The following LAMA4 variants were observed in gnomAD, a reference collection of about 807,000 sequenced individuals.
LAMA4 encodes the protein laminin subunit alpha 4.
LAMA4 carries 127 observed loss-of-function variants against 207.1 expected under a neutral mutation model. The ratio of observed to expected loss-of-function variants is 0.61; its 90% CI spans 0.53 to 0.71. The LOEUF (loss-of-function observed/expected upper bound fraction) is 0.71, where lower values mean the gene tolerates loss of function less well. Among genes scored for constraint, LAMA4 ranks in the 30% least tolerant of loss-of-function variants. LAMA4 has a pLI of 0.00. For missense variants in LAMA4, 2,093 were observed against 2,246.5 expected (o/e 0.93, Z 1.38); for synonymous variants, 761 against 816.0 (o/e 0.93, Z 1.15).
In LAMA4 at chr6:112,158,800, G is replaced by C; in HGVS notation, c.1749C>G (p.Ser583Arg). The change falls in exon 14 of 39, where the codon AGC becomes AGG. Residue 583 changes from serine (S) to arginine (R), a missense_variant. Coordinates refer to ENST00000230538, the MANE Select transcript of LAMA4 (RefSeq NM_001105206.3). ...QVKLSNLSNL[S>R]HDLVQEAIDH... is the part of the protein sequence containing the mutation. The stretch of plus-strand genomic sequence containing the variant: ...CAATAGCTTCTTGGACTAAATCATG[G>C]CTGAGGTTACTTAGGTTAGATAGTT... The C allele has an allele frequency of 6.2e-7, 1 of 1,613,066 alleles. No homozygotes were observed.
intron 3 of LAMA4, among the ~76,000 whole-genome samples, chr6:112,211,151 T>C (rs1206554185): frequency 1.3e-5 from 2 of 152,142 alleles, no homozygotes; most frequent in Non-Finnish European, 2.9e-5. Flanking sequence ...GGGTCTGCAT[T>C]TCTAACAAGC....
chr6:112,183,352 T>C (rs1490190513), intron 9 of LAMA4, among the ~76,000 whole-genome samples: 1 of 152,106 alleles, frequency 6.6e-6, no homozygotes, highest in Non-Finnish European at 1.5e-5. Context: ...TTTTGCACCA[T>C]CAGGACTGTG....
At chr6:112,164,266 G>T in intron 13 of LAMA4, 1 of 152,458 alleles carries the variant, frequency 6.6e-6, no homozygotes, top group Non-Finnish European at 1.5e-5. Flanking sequence ...CATGAGAGGG[G>T]TACGGTAAAA....
Position 112,140,784 on chromosome 6 carries a change from A to C in LAMA4, c.2952T>G (p.Val984=). 1.2e-6 allele frequency: 2 copies of C among 1,614,100 alleles called. No homozygotes were observed. The highest frequency in any genetic ancestry group is 1.7e-6 in the Non-Finnish European group (2 of 1,179,982). The change falls in exon 22 of 39, where the codon GTT becomes GTG. Residue 984 remains valine (V), a synonymous_variant. Transcript: ENST00000230538. ...CCTTGAAGTTGGAAGGCACTCCACC[A>C]ACATAAAACACTGTGTCCTCAGGGT... is the stretch of plus-strand genomic sequence containing the variant. ...DLDPEDTVFY[V]GGVPSNFKLP...
chr6:112,229,738 T>C (rs1323396124), intron 2 of LAMA4, among the ~76,000 whole-genome samples: 2 of 152,256 alleles, frequency 1.3e-5, no homozygotes, highest in African/African-American at 4.8e-5. Flanking sequence ...TAAAGAAAGA[T>C]GGATTTCACT....
intron 13 of LAMA4, chr6:112,159,489 C>G (rs540319353): frequency 6.5e-6 from 1 of 154,788 alleles, no homozygotes; most frequent in African/African-American, 2.4e-5. Context: ...GCTTAAAGAT[C>G]GTGCAACTGT....
chr6:112,172,946 TC>T, intron 11 of LAMA4, 142 bp from the exon 12 acceptor site: 1 of 681,678 alleles, frequency 1.5e-6, no homozygotes, highest in Non-Finnish European at 2.6e-6. Flanking sequence ...CAAAATTAGC[TC>T]CACCTTTTAG....
intron 10 of LAMA4, among the ~76,000 whole-genome samples, chr6:112,176,914 G>A (rs1483952984): frequency 6.6e-6 from 1 of 152,134 alleles, no homozygotes; most frequent in Non-Finnish European, 1.5e-5. Flanking sequence ...AAATAAGAGG[G>A]TTCAGATCCT....
At chr6:112,166,405 A>G (rs1476900616) in intron 12 of LAMA4, 1 of 152,240 alleles carries the variant, frequency 6.6e-6, no homozygotes, top group South Asian at 2.1e-4. Context: ...TATCTTTACA[A>G]AGACTGGGAG....
intron 2 of LAMA4, chr6:112,253,613 T>C (rs782268614): frequency 3.0e-4 from 254 of 847,856 alleles, no homozygotes; most frequent in Non-Finnish European, 4.4e-4. Context: ...TTAAGTGCCG[T>C]GGCTTGACAA....
intron 12 of LAMA4, among the ~76,000 whole-genome samples, chr6:112,169,084 T>C (rs1028896428): frequency 2.6e-5 from 4 of 152,166 alleles, no homozygotes; most frequent in Non-Finnish European, 5.9e-5. Flanking sequence ...CTTTCTTAAG[T>C]AGGAAGCCAT....
In LAMA4 at chr6:112,172,792, G is replaced by C; in HGVS notation, c.1370C>G (p.Ala457Gly). 2.5e-6 allele frequency: 4 copies of C among 1,613,570 alleles called. No homozygotes were observed. The highest frequency in any genetic ancestry group is 3.4e-6 in the Non-Finnish European group (4 of 1,179,606). The change falls in exon 12 of 39, where the codon GCT becomes GGT. Residue 457 changes from alanine (A) to glycine (G), a missense_variant. Ala to Gly is a moderately conservative substitution (Grantham distance 60). Coordinates refer to ENST00000230538, the MANE Select transcript of LAMA4 (RefSeq NM_001105206.3). Reference protein sequence around the residue: ...ADEAYELLSQAESWQRLHNET... With the variant: ...ADEAYELLSQGESWQRLHNET... ...ATTGTGCAGCCGCTGCCAGCTCTCA[G>C]CCTGGCTCAGTACTGGGAAGAAATG...
At chr6:112,168,112 G>C (rs955909957) in intron 12 of LAMA4, among the ~76,000 whole-genome samples, 11 of 151,444 alleles carry the variant, frequency 7.3e-5, no homozygotes, top group African/African-American at 2.7e-4. Flanking sequence ...ACAGGAGAAT[G>C]GCACGAACCC....
chr6:112,168,286 T>C (rs1781508519), intron 12 of LAMA4, among the ~76,000 whole-genome samples: 1 of 149,724 alleles, frequency 6.7e-6, no homozygotes, highest in Admixed American at 6.7e-5. Context: ...ATTCCAGTGA[T>C]ACAACCAATG....
chr6:112,224,875 CT>C lies in LAMA4; in HGVS notation c.196-8407del, dbSNP rs1785122726. ...ATTTCTTCCCTCCTTGAAGTTCTCT[CT>C]TCTCCTGATTTCCAGGACAACTCTT... is the stretch of plus-strand genomic sequence containing the variant. On this transcript the variant is annotated intron_variant, in intron 2 of 38. Transcript: ENST00000230538. Among the ~76,000 whole-genome samples the C allele has an allele frequency of 2.0e-5, 3 of 147,646 alleles. No homozygotes were observed. The South Asian group carries it at 6.4e-4, about 31-fold the overall frequency.
intron 35 of LAMA4, among the ~76,000 whole-genome samples, chr6:112,116,777 T>C (rs1276886294): frequency 6.6e-6 from 1 of 152,222 alleles, no homozygotes; most frequent in Non-Finnish European, 1.5e-5. Context: ...TGGAGTAGTA[T>C]ATAAATTGTG....
intron 28 of LAMA4, 150 bp downstream of exon 28, chr6:112,132,603 A>G: frequency 1.4e-6 from 1 of 715,366 alleles, no homozygotes; most frequent in Non-Finnish European, 2.3e-6. Flanking sequence ...AATATTTTAT[A>G]AAGTGTTTGA....
intron 2 of LAMA4, among the ~76,000 whole-genome samples, chr6:112,246,520 CTTTT>C (rs11364561): frequency 2.3e-5 from 3 of 127,828 alleles, no homozygotes; most frequent in African/African-American, 3.0e-5. Flanking sequence ...ATCAAAGCTG[CTTTT>C]TTTTTTTTTT....
chr6:112,172,345 A>T (rs1781764626), intron 12 of LAMA4: 1 of 426,416 alleles, frequency 2.3e-6, no homozygotes. Context: ...ACCCACTTGC[A>T]AGAATAACAG....
Sources: gnomAD v4.1 joint callset for allele counts (sites outside exome capture counted in the v4.1 genomes callset) on GRCh38, gnomAD v4.1.1 for gene constraint, MANE v1.5 for transcripts, NCBI Gene and HGNC (gene_info 2026-07-23, HGNC 2026-07-21) for gene names.